MPPED1: variants seen among roughly 807,000 people sequenced by gnomAD.
MPPED1 encodes the protein metallophosphoesterase domain-containing protein 1.
MPPED1 carries 16 observed loss-of-function variants against 36.2 expected under a neutral mutation model. The ratio of observed to expected loss-of-function variants is 0.44; its 90% CI spans 0.30 to 0.67. The LOEUF is 0.67. MPPED1 is among the 30% of genes least tolerant of loss of function. The pLI, the probability that MPPED1 is intolerant of heterozygous loss-of-function variation, is 0.10. For missense variants in MPPED1, 307 were observed against 453.4 expected (o/e 0.68, Z 2.93); for synonymous variants, 199 against 191.3 (o/e 1.04, Z -0.33).
In MPPED1 at chr22:43,502,780, C is replaced by T. The variant is rs1193954105; in HGVS notation, c.862+23C>T. ...AAGGTCAGTACGTAGCGGAGACAGG[C>T]ACCTCACGGGCTAGGGGCTCCTAAT... On this transcript the variant is annotated intron_variant, in intron 6 of 6. Coordinates refer to ENST00000443721, the MANE Select transcript of MPPED1 (RefSeq NM_001044370.2). The surrounding 1 kb of genome is among the most constrained non-coding windows in gnomAD (Gnocchi z 5.5). The T allele has an allele frequency of 6.2e-7, 1 of 1,601,826 alleles. No individual in the cohort carries two copies. The highest frequency in any genetic ancestry group is 1.7e-5 in the Admixed American group (1 of 59,988).
At chr22:43,425,404 T>C (rs1929432331) in intron 2 of MPPED1, among the ~76,000 whole-genome samples, 195 bp downstream of exon 2, 3 of 152,352 alleles carry the variant, frequency 2.0e-5, no homozygotes, top group African/African-American at 7.2e-5. Flanking sequence ...ATGGATGGCC[T>C]GTGGGCCGAT....
chr22:43,449,203 T>C (rs1930470158), intron 3 of MPPED1, among the ~76,000 whole-genome samples: 1 of 152,186 alleles, frequency 6.6e-6, no homozygotes, highest in South Asian at 2.1e-4. Flanking sequence ...AATAATGACT[T>C]CTGGACAGAA....
intron 6 of MPPED1, among the ~76,000 whole-genome samples, chr22:43,504,473 G>A (rs1378132208): frequency 2.0e-5 from 3 of 152,016 alleles, no homozygotes; most frequent in African/African-American, 7.3e-5. Context: ...TCTTGATGAT[G>A]GTGGTGGTGG....
rs1464256366 is a variant in MPPED1 at position 43,507,091 on chromosome 22, A to G, written c.*1475A>G. 3 of 152,088 alleles carry G rather than the reference A, an allele frequency of 2.0e-5. No homozygotes were observed. The highest frequency in any genetic ancestry group is 7.2e-5 in the African/African-American group (3 of 41,406). 9.4% of individuals were successfully genotyped at this position (152,088 alleles called of 1,614,324 possible). On this transcript the variant is annotated 3_prime_UTR_variant, in exon 7 of 7. Transcript: ENST00000443721. Reference sequence around the variant, plus strand: ...TAGGTACTTTAGTCCCATTTTAGAGATGAGACGATTGAGGCCAGAGGGGTG... The same window carrying G: ...TAGGTACTTTAGTCCCATTTTAGAGGTGAGACGATTGAGGCCAGAGGGGTG...
chr22:43,499,033 C>A (rs899795928), intron 5 of MPPED1, among the ~76,000 whole-genome samples: 5 of 151,248 alleles, frequency 3.3e-5, no homozygotes, highest in Non-Finnish European at 1.5e-5. Context: ...CTCCCATGGT[C>A]ATGGTGGAGG....
chr22:43,447,944 T>C (rs1930421312), intron 3 of MPPED1, among the ~76,000 whole-genome samples: 1 of 146,520 alleles, frequency 6.8e-6, no homozygotes, highest in Non-Finnish European at 1.5e-5. Context: ...AGTGGTGCGA[T>C]CTCGGCTCAC....
At chr22:43,460,311 T>A (rs890012574) in intron 3 of MPPED1, among the ~76,000 whole-genome samples, 4 of 145,608 alleles carry the variant, frequency 2.7e-5, no homozygotes, top group African/African-American at 1.0e-4. Context: ...AAACTGGATT[T>A]TGTTTATTTG....
chr22:43,493,344 G>A (rs1037774592), intron 4 of MPPED1, among the ~76,000 whole-genome samples: 1 of 152,246 alleles, frequency 6.6e-6, no homozygotes, highest in African/African-American at 2.4e-5. Flanking sequence ...AGGGTAGTAT[G>A]TTGGGTTAAC....
In MPPED1 at chr22:43,431,021, A is replaced by ATTTTTTTTTTTTTT. The variant is rs135076; in HGVS notation, c.225-3987_225-3974dup. On this transcript the variant is annotated intron_variant, in intron 2 of 6. Coordinates refer to ENST00000443721, the MANE Select transcript of MPPED1 (RefSeq NM_001044370.2). ...CTGTCTCTTTCTACTGTTGTTGTTA[A>ATTTTTTTTTTTTTT]TTTTTTTTTTTTTTTTTTTTTTTTT... Among the ~76,000 whole-genome samples the ATTTTTTTTTTTTTT allele has an allele frequency of 7.1e-5, 3 of 42,306 alleles. 1 individual carries two copies. The highest frequency in any genetic ancestry group is 2.0e-4 in the African/African-American group (3 of 15,278). The allele number at this position is 42,306 out of a possible 152,430, so 27.8% of individuals were successfully genotyped here. A position where few individuals can be genotyped will look rare whatever the true frequency, so the allele number is the denominator to read the frequency against.
intron 3 of MPPED1, among the ~76,000 whole-genome samples, chr22:43,462,417 T>G (rs1343156181): frequency 6.6e-6 from 1 of 152,180 alleles, no homozygotes; most frequent in African/African-American, 2.4e-5. Context: ...AGGAACAACC[T>G]GGGATTGCTA....
At chr22:43,450,514 T>C (rs796411433) in intron 3 of MPPED1, among the ~76,000 whole-genome samples, 3 of 152,250 alleles carry the variant, frequency 2.0e-5, no homozygotes, top group African/African-American at 7.2e-5. Context: ...GGGCATGTTC[T>C]GTCTGCTCTC....
rs937996728 is a variant in MPPED1 at position 43,425,073 on chromosome 22, T to C, written c.88T>C (p.Ser30Pro). The C allele has an allele frequency of 6.2e-7, 1 of 1,613,512 alleles. No individual in the cohort carries two copies. Among genetic ancestry groups the C allele is most frequent in the African/African-American group, 1.3e-5 (1 of 74,926 alleles). The change falls in exon 2 of 7, where the codon TCC (serine) becomes CCC (proline). Residue 30 changes from serine (S) to proline (P), a missense_variant. By Grantham distance (74) the Ser-to-Pro change is moderately conservative. This residue lies in a region of MPPED1 where 169 missense variants were observed against 212.3 expected (regional missense o/e 0.80). Transcript: ENST00000443721. ...PCGLGMAFSQ[S>P]HVMAARRHQH... ...CGGCCTGGGCATGGCATTCTCCCAG[T>C]CCCACGTGATGGCCGCTCGGCGGCA...
chr22:43,506,747 G>C lies in MPPED1; in HGVS notation c.*1131G>C, dbSNP rs1343930655. ...CTTTGAATTAGGACTGGAGGGGGTGGGGCCAGGGCGGTGGTGGGAACCGGT... is the reference window on the plus strand; with the variant it reads ...CTTTGAATTAGGACTGGAGGGGGTGCGGCCAGGGCGGTGGTGGGAACCGGT... On this transcript the variant is annotated 3_prime_UTR_variant, in exon 7 of 7. Transcript: ENST00000443721. 6.6e-6 allele frequency: 1 copy of C among 152,164 alleles called. No homozygotes were observed. The highest frequency in any genetic ancestry group is 1.5e-5 in the Non-Finnish European group (1 of 68,058). The allele number at this position is 152,164 out of a possible 1,614,324, so 9.4% of individuals were successfully genotyped here. A position where few individuals can be genotyped will look rare whatever the true frequency, so the allele number is the denominator to read the frequency against.
rs1250434934 is a variant in MPPED1 at position 43,502,514 on chromosome 22, G to C, written c.749-130G>C. 10 of 677,704 alleles carry C rather than the reference G, an allele frequency of 1.5e-5. No homozygotes were observed. Among genetic ancestry groups the C allele is most frequent in the Middle Eastern group, 3.9e-4 (1 of 2,548 alleles). The allele number at this position is 677,704 out of a possible 1,614,324, so 42.0% of individuals were successfully genotyped here. On this transcript the variant is annotated intron_variant, in intron 5 of 6. Coordinates refer to ENST00000443721, the MANE Select transcript of MPPED1 (RefSeq NM_001044370.2). This position sits in a 1 kb window ranked among gnomAD's most constrained non-coding sequence, Gnocchi z 5.5. Reference sequence around the variant, plus strand: ...CAGGGTTCCGGAGAGCTTGCTAGGGGAGAGTGGTGCAAAGCCGGAGTCCGG... The same window carrying C: ...CAGGGTTCCGGAGAGCTTGCTAGGGCAGAGTGGTGCAAAGCCGGAGTCCGG...
At position 43,476,581 on chromosome 22, in the gene MPPED1, G is replaced by C. The variant is rs150360641; in HGVS notation, c.632+1620G>C. On this transcript the variant is annotated intron_variant, in intron 4 of 6. Transcript: ENST00000443721. ...CCTCATGGTGACCACCTAGTGGCTG[G>C]AGGCGGCAGGCAGATTTAGGACCTG... is the stretch of plus-strand genomic sequence containing the variant. 3.9e-5 allele frequency among the ~76,000 whole-genome samples: 6 copies of C among 152,280 alleles called. No homozygotes were observed. In the East Asian group the frequency reaches 9.7e-4, roughly 25 times the overall value.
chr22:43,463,823 CT>C (rs1200953802), intron 3 of MPPED1, among the ~76,000 whole-genome samples: 2 of 77,912 alleles, frequency 2.6e-5, no homozygotes, highest in South Asian at 4.6e-4. Context: ...TTCTTTCTTT[CT>C]TTCTTTCTTT....
At chr22:43,465,530 A>G (rs1931136600) in intron 3 of MPPED1, among the ~76,000 whole-genome samples, 1 of 152,214 alleles carries the variant, frequency 6.6e-6, no homozygotes, top group Non-Finnish European at 1.5e-5. Context: ...TGAACAAGGC[A>G]GGGGCCTCGA....
Position 43,502,599 on chromosome 22 carries a change from T to G in MPPED1, c.749-45T>G. ...TGCTAGGCGTGGGGCAGTGAGGGGC[T>G]GGGACAGACCGCGTCATGGCCTCCT... On this transcript the variant is annotated intron_variant, in intron 5 of 6. Transcript: ENST00000443721. The surrounding 1 kb of genome is among the most constrained non-coding windows in gnomAD (Gnocchi z 5.5). The G allele has an allele frequency of 6.6e-7, 1 of 1,522,988 alleles. No homozygotes were observed. Among genetic ancestry groups the G allele is most frequent in the Non-Finnish European group, 9.1e-7 (1 of 1,098,532 alleles). 94.3% of individuals were successfully genotyped at this position (1,522,988 alleles called of 1,614,324 possible).
chr22:43,447,974 G>C, intron 3 of MPPED1, among the ~76,000 whole-genome samples: 1 of 149,340 alleles, frequency 6.7e-6, no homozygotes, highest in Middle Eastern at 3.5e-3. Context: ...TGCCTCCCGG[G>C]TTCAAGCAAT....
Sources: allele counts gnomAD v4.1 joint callset (sites outside exome capture counted in the v4.1 genomes callset), GRCh38; gene constraint gnomAD v4.1.1; regional missense constraint gnomAD v4.1.1; non-coding constraint Gnocchi (gnomAD v3.1); transcripts MANE v1.5; gene names NCBI Gene and HGNC (gene_info 2026-07-23, HGNC 2026-07-21).